The following NRG3 variants were observed in gnomAD, a reference collection of about 807,000 sequenced individuals.
The protein encoded by NRG3 is pro-neuregulin-3, membrane-bound isoform.
NRG3 carries 31 observed loss-of-function variants against 66.9 expected under a neutral mutation model. The observed-to-expected ratio is 0.46, with a 90% CI of 0.35 to 0.63. NRG3 has a LOEUF of 0.63. Among genes scored for constraint, NRG3 ranks in the 20% least tolerant of loss-of-function variants. The pLI, the probability that NRG3 is intolerant of heterozygous loss-of-function variation, is 0.00. For synonymous variants in NRG3, 393 were observed against 359.4 expected, an observed-to-expected ratio of 1.09 and a Z score of -1.06; for missense variants, 910 against 878.9, an observed-to-expected ratio of 1.04 and a Z score of -0.45.
chr10:82,193,891 G>T (rs1413434012), intron 1 of NRG3, among the ~76,000 whole-genome samples: 1 of 152,136 alleles, frequency 6.6e-6, no homozygotes, highest in Non-Finnish European at 1.5e-5. Flanking sequence ...AATAACCCTG[G>T]ACCAGGGTGA....
intron 1 of NRG3, among the ~76,000 whole-genome samples, chr10:81,917,408 C>A (rs1845809071): frequency 6.6e-6 from 1 of 152,072 alleles, no homozygotes; most frequent in Non-Finnish European, 1.5e-5. Flanking sequence ...CACAAAATAG[C>A]TCCTCAAAAT....
At chr10:82,570,857 C>A (rs2045687560) in intron 2 of NRG3, among the ~76,000 whole-genome samples, 1 of 151,660 alleles carries the variant, frequency 6.6e-6, no homozygotes, top group Non-Finnish European at 1.5e-5. Context: ...AACTGTCTTT[C>A]ATTGTTATGT....
At chr10:81,928,839 T>C (rs1291877730) in intron 1 of NRG3, among the ~76,000 whole-genome samples, 1 of 152,154 alleles carries the variant, frequency 6.6e-6, no homozygotes, top group East Asian at 1.9e-4. Context: ...AGAACAATTT[T>C]TTTTTGAGAG....
chr10:82,835,448 T>G (rs2062727109), intron 3 of NRG3, among the ~76,000 whole-genome samples: 1 of 152,096 alleles, frequency 6.6e-6, no homozygotes, highest in African/African-American at 2.4e-5. Context: ...TCAACTATTA[T>G]CAAAGGAAAC....
At chr10:82,427,268 G>A (rs1200134189) in intron 2 of NRG3, among the ~76,000 whole-genome samples, 1 of 152,040 alleles carries the variant, frequency 6.6e-6, no homozygotes, top group African/African-American at 2.4e-5. Context: ...TTTTATTTTA[G>A]GGGGAAAGCG....
At chr10:82,191,339 G>A (rs1292686966) in intron 1 of NRG3, among the ~76,000 whole-genome samples, 13 of 152,096 alleles carry the variant, frequency 8.5e-5, no homozygotes, top group Non-Finnish European at 8.8e-5. Context: ...GTTCAAGCAA[G>A]CCTATGACTC....
At position 82,705,970 on chromosome 10, in the gene NRG3, G is replaced by A. The variant is rs1002224517; in HGVS notation, c.954-32607G>A. On this transcript the variant is annotated intron_variant, in intron 2 of 8. Coordinates refer to ENST00000372141, the MANE Select transcript of NRG3 (RefSeq NM_001010848.4). ...TTTATCCTCTTATCTTGATAATGAT[G>A]TGATGGCCAGGTTTATATTTAGAAT... Among the ~76,000 whole-genome samples, 5 of 152,158 alleles carry A rather than the reference G, an allele frequency of 3.3e-5. No homozygotes were observed. In the East Asian group the frequency reaches 7.7e-4, roughly 23 times the overall value.
intron 8 of NRG3, chr10:82,984,855 G>T (rs1466376048): frequency 6.7e-7 from 1 of 1,494,112 alleles, no homozygotes; most frequent in Non-Finnish European, 9.2e-7. Context: ...TGGACTTAAA[G>T]TAAGAAGATC....
chr10:82,605,617 T>A (rs1404210453), intron 2 of NRG3, among the ~76,000 whole-genome samples: 1 of 152,080 alleles, frequency 6.6e-6, no homozygotes, highest in Non-Finnish European at 1.5e-5. Flanking sequence ...TCCTTTTGCT[T>A]CTACTTTTTG....
At chr10:82,253,411 G>T (rs957418852) in intron 1 of NRG3, among the ~76,000 whole-genome samples, 1 of 152,130 alleles carries the variant, frequency 6.6e-6, no homozygotes, top group Non-Finnish European at 1.5e-5. Context: ...GGGGAGCTTG[G>T]CTGTATTGTT....
rs1475524018 is a variant in NRG3, at chr10:82,387,456, C to G, written c.953+28588C>G. 3.9e-5 allele frequency among the ~76,000 whole-genome samples: 6 copies of G among 152,202 alleles called. No individual in the cohort carries two copies. In the East Asian group the frequency reaches 1.2e-3, roughly 29 times the overall value. ...ACGCATGGACCATTTCCCCTGTCTT[C>G]CAGCTGTGGGCGTTATAACATTCTT... On this transcript the variant is annotated intron_variant, in intron 2 of 8. Coordinates refer to ENST00000372141, the MANE Select transcript of NRG3 (RefSeq NM_001010848.4).
chr10:82,380,890 G>A (rs1472249600), intron 2 of NRG3, among the ~76,000 whole-genome samples: 1 of 152,054 alleles, frequency 6.6e-6, no homozygotes, highest in Non-Finnish European at 1.5e-5. Flanking sequence ...AATGGAAACA[G>A]CCAGATTTTC....
At chr10:82,129,257 C>A (rs2068657295) in intron 1 of NRG3, among the ~76,000 whole-genome samples, 1 of 149,800 alleles carries the variant, frequency 6.7e-6, no homozygotes. Flanking sequence ...CACAGTATTC[C>A]TGTAAAAACC....
chr10:82,018,899 C>T (rs2061921356), intron 1 of NRG3, among the ~76,000 whole-genome samples: 1 of 152,122 alleles, frequency 6.6e-6, no homozygotes, highest in African/African-American at 2.4e-5. Flanking sequence ...AATTTGACTT[C>T]CTCTTTTCCT....
intron 1 of NRG3, among the ~76,000 whole-genome samples, chr10:81,898,585 C>A: frequency 6.6e-6 from 1 of 152,162 alleles, no homozygotes; most frequent in East Asian, 1.9e-4. Flanking sequence ...GGCAGGGTGA[C>A]ATGGGCTGCA....
At chr10:82,855,041 C>T (rs1363984932) in intron 3 of NRG3, among the ~76,000 whole-genome samples, 2 of 152,084 alleles carry the variant, frequency 1.3e-5, no homozygotes, top group African/African-American at 4.8e-5. Flanking sequence ...GGTTCCTCTT[C>T]TAGTATCTTC....
At chr10:82,366,654 A>G (rs2084544664) in intron 2 of NRG3, among the ~76,000 whole-genome samples, 2 of 152,228 alleles carry the variant, frequency 1.3e-5, no homozygotes, top group South Asian at 2.1e-4. Context: ...GTGACACAAT[A>G]CAATAGGCTG....
intron 1 of NRG3, among the ~76,000 whole-genome samples, chr10:82,333,510 C>A (rs140674961): frequency 6.6e-6 from 1 of 152,150 alleles, no homozygotes; most frequent in Non-Finnish European, 1.5e-5. Context: ...GAGGCAGGGG[C>A]TTTCAAAACT....
intron 1 of NRG3, among the ~76,000 whole-genome samples, chr10:82,107,405 A>G (rs952973612): frequency 6.6e-6 from 1 of 152,234 alleles, no homozygotes; most frequent in South Asian, 2.1e-4. Context: ...GATAAGGACC[A>G]TGAAATCTGG....
Sources: gnomAD v4.1 joint callset for allele counts (sites outside exome capture counted in the v4.1 genomes callset) on GRCh38, gnomAD v4.1.1 for gene constraint, MANE v1.5 for transcripts, NCBI Gene and HGNC (gene_info 2026-07-23, HGNC 2026-07-21) for gene names.